The following ACTR3C variants were observed in gnomAD, a reference collection of about 807,000 sequenced individuals.
ACTR3C encodes the protein actin related protein 3C, also known as actin-related protein 3C.
ACTR3C carries 18 observed loss-of-function variants against 26.3 expected under a neutral mutation model. The ratio of observed to expected loss-of-function variants is 0.68; its 90% CI spans 0.47 to 1.01. The LOEUF is 1.01. ACTR3C is among the 50% of genes least tolerant of loss of function. The probability of loss-of-function intolerance (pLI) is 0.00; values close to 1 mark genes in which losing one functional copy is unlikely to be tolerated. For missense variants in ACTR3C, 184 were observed against 250.7 expected (o/e 0.73, Z 1.80); for synonymous variants, 55 against 94.5 (o/e 0.58, Z 2.42).
the ACTR3C span, among the ~76,000 whole-genome samples, chr7:149,907,483 TCTCTCTC>T: frequency 0.013 from 579 of 43,920 alleles, 11 homozygotes; most frequent in African/African-American, 0.035. Flanking sequence ...TTCTCTTCTC[TCTCTCTC>T]TCTCTCTCTC....
At chr7:150,058,122 A>G in the ACTR3C span, among the ~76,000 whole-genome samples, 1 of 152,200 alleles carries the variant, frequency 6.6e-6, no homozygotes, top group Non-Finnish European at 1.5e-5. Flanking sequence ...GCATGACGGA[A>G]GAGTTCTACA....
chr7:149,912,542 G>A, the ACTR3C span, among the ~76,000 whole-genome samples: 2 of 148,514 alleles, frequency 1.3e-5, no homozygotes, highest in African/African-American at 5.0e-5. Flanking sequence ...GCTCTTTCGA[G>A]CAGGCTAGAG....
the ACTR3C span, among the ~76,000 whole-genome samples, chr7:149,923,789 C>T: frequency 2.9e-4 from 44 of 151,056 alleles, no homozygotes; most frequent in Non-Finnish European, 1.0e-4. Context: ...CCTGAGGTCA[C>T]GAGTTCGAGA....
At chr7:149,977,592 A>G in the ACTR3C span, among the ~76,000 whole-genome samples, 1 of 151,852 alleles carries the variant, frequency 6.6e-6, no homozygotes, top group East Asian at 1.9e-4. Flanking sequence ...CACGATGAAA[A>G]CCTCCAGAGC....
chr7:150,275,571 C>T (rs1274556797), intron 6 of ACTR3C, among the ~76,000 whole-genome samples: 3 of 152,080 alleles, frequency 2.0e-5, no homozygotes, highest in East Asian at 3.9e-4. Flanking sequence ...ATCAGCCAGG[C>T]GTGGTGGCGG....
At chr7:150,212,705 G>C in the ACTR3C span, among the ~76,000 whole-genome samples, 101 of 152,346 alleles carry the variant, frequency 6.6e-4, no homozygotes, top group African/African-American at 2.1e-3. Context: ...CTAACAGTAA[G>C]TGTTAGTGAA....
intron 6 of ACTR3C, among the ~76,000 whole-genome samples, chr7:150,260,235 G>C (rs908045750): frequency 6.6e-6 from 1 of 152,160 alleles, no homozygotes; most frequent in Non-Finnish European, 1.5e-5. Context: ...AAAGTATCTG[G>C]CATGTAGTAT....
intron 6 of ACTR3C, among the ~76,000 whole-genome samples, chr7:150,279,278 G>A (rs57637449): frequency 0.024 from 3,627 of 152,294 alleles, 130 homozygotes; most frequent in African/African-American, 0.082. Context: ...GCACTTCAGC[G>A]TGGGCAACAG....
chr7:150,041,708 C>T, the ACTR3C span, among the ~76,000 whole-genome samples: 3,226 of 89,696 alleles, frequency 0.036, 4 homozygotes, highest in South Asian at 0.097. Context: ...CCCACCCTCG[C>T]GGGGGGTGCC....
chr7:150,275,148 T>C (rs1486430114), intron 6 of ACTR3C, among the ~76,000 whole-genome samples: 1 of 152,200 alleles, frequency 6.6e-6, no homozygotes, highest in Non-Finnish European at 1.5e-5. Flanking sequence ...CAGAAAAGCA[T>C]ACATGTCCTG....
chr7:150,045,655 T>G, the ACTR3C span, among the ~76,000 whole-genome samples: 2 of 144,924 alleles, frequency 1.4e-5, no homozygotes, highest in African/African-American at 5.8e-5. Flanking sequence ...TATCCCTGAT[T>G]TGTTTCTCAG....
chr7:150,242,180 C>T (rs1832217881), downstream of ACTR3C, among the ~76,000 whole-genome samples: 4 of 151,160 alleles, frequency 2.6e-5, no homozygotes, highest in South Asian at 8.4e-4. Context: ...CGCACCACTG[C>T]ACTCCAGCCT....
At chr7:150,081,530 A>T in the ACTR3C span, among the ~76,000 whole-genome samples, 13 of 151,436 alleles carry the variant, frequency 8.6e-5, no homozygotes, top group Admixed American at 3.3e-4. Context: ...GCCAGAATAG[A>T]CTAGGCTTGT....
At chr7:150,129,463 T>A in the ACTR3C span, among the ~76,000 whole-genome samples, 3 of 152,148 alleles carry the variant, frequency 2.0e-5, no homozygotes, top group African/African-American at 7.2e-5. Flanking sequence ...GATTTGCAGA[T>A]AAAATGAACA....
the ACTR3C span, among the ~76,000 whole-genome samples, chr7:150,226,312 A>G: frequency 6.6e-6 from 1 of 150,386 alleles, no homozygotes; most frequent in Admixed American, 6.6e-5. Context: ...TCGCATTCCC[A>G]TAAACAATGA....
chr7:149,967,176 A>C, the ACTR3C span, among the ~76,000 whole-genome samples: 1 of 151,648 alleles, frequency 6.6e-6, no homozygotes, highest in African/African-American at 2.4e-5. Flanking sequence ...CTGGGACTAC[A>C]GGTGCCCACC....
At chr7:150,124,498 G>A in the ACTR3C span, among the ~76,000 whole-genome samples, 3 of 152,164 alleles carry the variant, frequency 2.0e-5, no homozygotes, top group South Asian at 2.1e-4. Flanking sequence ...AGATAAATGC[G>A]CCCAAGAAGA....
At chr7:150,251,456 C>A (rs1198585966) in intron 6 of ACTR3C, among the ~76,000 whole-genome samples, 4 of 151,928 alleles carry the variant, frequency 2.6e-5, no homozygotes, top group Non-Finnish European at 5.9e-5. Flanking sequence ...TGCTTTTACC[C>A]ATTTTATAGA....
the ACTR3C span, among the ~76,000 whole-genome samples, chr7:149,915,205 T>C: frequency 3.3e-5 from 5 of 152,062 alleles, no homozygotes. Context: ...GATAACTGTA[T>C]ACCTTGAATA....
Sources: gnomAD v4.1 joint callset for allele counts (sites outside exome capture counted in the v4.1 genomes callset) on GRCh38, gnomAD v4.1.1 for gene constraint, MANE v1.5 for transcripts, NCBI Gene and HGNC (gene_info 2026-07-23, HGNC 2026-07-21) for gene names.